GDE1: variants seen among roughly 807,000 people sequenced by gnomAD.
GDE1 encodes the protein glycerophosphodiester phosphodiesterase 1.
GDE1 carries 24 observed loss-of-function variants against 32.2 expected under a neutral mutation model. The ratio of observed to expected loss-of-function variants is 0.75; its 90% CI spans 0.54 to 1.05. GDE1 has a LOEUF of 1.05. Ranked by LOEUF, GDE1 falls within the 50% of genes least tolerant of loss-of-function variation. GDE1 has a pLI of 0.00. For missense variants in GDE1, 380 were observed against 415.0 expected (o/e 0.92, Z 0.73); for synonymous variants, 159 against 158.6 (o/e 1.00, Z -0.02).
rs1491088052 is a variant in GDE1 at position 19,520,739 on chromosome 16, AAG to A, written c.261+963_261+964del. ...GACTCTGTAAAGTAAAAAAAAAAAAAAGAAGAAGAAGGAAGGAAGAAGAGAGA... is the reference window on the plus strand; with the variant it reads ...GACTCTGTAAAGTAAAAAAAAAAAAAAAGAAGAAGGAAGGAAGAAGAGAGA... On this transcript the variant is annotated intron_variant, in intron 1 of 5. Coordinates refer to ENST00000353258, the MANE Select transcript of GDE1 (RefSeq NM_016641.4). Among the ~76,000 whole-genome samples the A allele has an allele frequency of 1.1e-3, 150 of 140,834 alleles. 3 individuals carry two copies. The highest frequency in any genetic ancestry group is 1.7e-3 in the Admixed American group (23 of 13,770). The allele number at this position is 140,834 out of a possible 152,430, so 92.4% of individuals were successfully genotyped here. A position where few individuals can be genotyped will look rare whatever the true frequency, so the allele number is the denominator to read the frequency against.
At chr16:19,514,912 C>T (rs1286980911) in intron 2 of GDE1, among the ~76,000 whole-genome samples, 1 of 151,858 alleles carries the variant, frequency 6.6e-6, no homozygotes, top group Non-Finnish European at 1.5e-5. Flanking sequence ...ACTAAAAATG[C>T]AAAAATTAGC....
chr16:19,517,970 C>T (rs181507872), intron 1 of GDE1, among the ~76,000 whole-genome samples: 1 of 151,884 alleles, frequency 6.6e-6, no homozygotes, highest in East Asian at 1.9e-4. Context: ...TCACTAAAAC[C>T]TCCGCCTCCT....
At chr16:19,504,638 A>AG (rs1479554492) in intron 5 of GDE1, 1 of 445,416 alleles carries the variant, frequency 2.2e-6, no homozygotes, top group African/African-American at 2.0e-5. Context: ...ATAGTGTCAC[A>AG]GGTTCATTTT....
rs373393963 is a variant in GDE1, at chr16:19,510,948, T to A, written c.438-4A>T. 9 of 1,458,248 alleles carry A rather than the reference T, an allele frequency of 6.2e-6. No homozygotes were observed. The African/African-American group carries it at 1.3e-4, about 20-fold the overall frequency. The allele number at this position is 1,458,248 out of a possible 1,614,324, so 90.3% of individuals were successfully genotyped here. A position where few individuals can be genotyped will look rare whatever the true frequency, so the allele number is the denominator to read the frequency against. ...CTTTTCATCAGGGAAATCATTCCTGTAAGAGAAGAGAAAATACGTTGTAGG... is the reference window on the plus strand; with the variant it reads ...CTTTTCATCAGGGAAATCATTCCTGAAAGAGAAGAGAAAATACGTTGTAGG... On this transcript the variant is annotated splice_region_variant and splice_polypyrimidine_tract_variant and intron_variant, in intron 2 of 5. Coordinates refer to ENST00000353258, the MANE Select transcript of GDE1 (RefSeq NM_016641.4).
At chr16:19,510,677 A>T (rs924568855) in intron 3 of GDE1, among the ~76,000 whole-genome samples, 162 bp downstream of exon 3, 4 of 152,226 alleles carry the variant, frequency 2.6e-5, no homozygotes, top group Non-Finnish European at 4.4e-5. Flanking sequence ...TGTTTCCTTA[A>T]ATGATATAGA....
chr16:19,503,765 G>A (rs965192228), intron 5 of GDE1, 148 bp from the exon 6 acceptor site: 1 of 638,476 alleles, frequency 1.6e-6, no homozygotes, highest in East Asian at 2.7e-5. Flanking sequence ...CAGAGGGACT[G>A]TTCCAAAACC....
intron 3 of GDE1, among the ~76,000 whole-genome samples, chr16:19,509,998 A>T (rs1029081827): frequency 4.1e-5 from 6 of 145,366 alleles, no homozygotes; most frequent in African/African-American, 8.0e-5. Flanking sequence ...GGGATTAATT[A>T]AAAAAAAAAA....
chr16:19,521,591 G>T, intron 1 of GDE1, 113 bp downstream of exon 1: 1 of 1,206,670 alleles, frequency 8.3e-7, no homozygotes, highest in Non-Finnish European at 1.2e-6. Flanking sequence ...TGTGCCTTGT[G>T]GACGAATGAG....
intron 2 of GDE1, among the ~76,000 whole-genome samples, chr16:19,514,509 AT>A (rs1464324100): frequency 3.3e-5 from 5 of 152,182 alleles, no homozygotes; most frequent in Admixed American, 3.3e-4. Flanking sequence ...CAAAGACTTA[AT>A]TTTCAGATTG....
chr16:19,516,892 C>A (rs1282430200), intron 2 of GDE1, 122 bp downstream of exon 2: 2 of 813,394 alleles, frequency 2.5e-6, no homozygotes, highest in South Asian at 1.7e-5. Flanking sequence ...CTTACAAGAC[C>A]TACGTACAGT....
chr16:19,521,984 C>T lies in GDE1; in HGVS notation c.-20G>A. ...CCACATGCCGGCGCCCGCACCGGCA[C>T]GGACGGGAGTCCCGGACCCGCCGGG... On this transcript the variant is annotated 5_prime_UTR_variant, in exon 1 of 6. The change creates a new upstream start codon in the 5' untranslated region. Transcript: ENST00000353258. 10 of 1,521,550 alleles carry T rather than the reference C, an allele frequency of 6.6e-6. No individual in the cohort carries two copies. Among genetic ancestry groups the T allele is most frequent in the Non-Finnish European group, 8.9e-6 (10 of 1,129,574 alleles). 94.3% of individuals were successfully genotyped at this position (1,521,550 alleles called of 1,614,324 possible). A position where few individuals can be genotyped will look rare whatever the true frequency, so the allele number is the denominator to read the frequency against.
In GDE1 at chr16:19,510,846, G is replaced by C; in HGVS notation, c.536C>G (p.Ala179Gly). 1 of 1,540,478 alleles carries C rather than the reference G, an allele frequency of 6.5e-7. No individual in the cohort carries two copies. Among genetic ancestry groups the C allele is most frequent in the Non-Finnish European group, 8.9e-7 (1 of 1,124,818 alleles). Residue 179 changes from alanine to glycine, a missense_variant, in exon 3 of 6, where the codon GCA becomes GGA. Physicochemically the swap from Ala to Gly is moderately conservative, Grantham distance 60. Transcript: ENST00000353258. Reference protein sequence around the residue: ...LTIFFDVKGHAHKATEALKKM... With the variant: ...LTIFFDVKGHGHKATEALKKM... The stretch of plus-strand genomic sequence containing the variant: ...CCACAATTTAAACTGTACCTTGTGT[G>C]CATGGCCTTTGACATCAAAGAAGAT...
At position 19,502,894 on chromosome 16, in the gene GDE1, C is replaced by G. The variant is rs971463332; in HGVS notation, c.*576G>C. ...AATCCCTCATTGGCTTCAAGACCTC[C>G]CTACCATTTTGGTTGCTGTACACTG... On this transcript the variant is annotated 3_prime_UTR_variant, in exon 6 of 6. Transcript: ENST00000353258. 6.6e-6 allele frequency: 1 copy of G among 152,294 alleles called. No homozygotes were observed. The highest frequency in any genetic ancestry group is 2.4e-5 in the African/African-American group (1 of 41,440). The allele number at this position is 152,294 out of a possible 1,614,324, so 9.4% of individuals were successfully genotyped here.
chr16:19,512,835 TTCTTGG>T (rs1969334719), intron 2 of GDE1, among the ~76,000 whole-genome samples: 1 of 152,124 alleles, frequency 6.6e-6, no homozygotes, highest in Non-Finnish European at 1.5e-5. Context: ...CACTGTAATG[TTCTTGG>T]TGCCTTCATG....
At chr16:19,512,028 TGG>T (rs1969324545) in intron 2 of GDE1, among the ~76,000 whole-genome samples, 1 of 152,172 alleles carries the variant, frequency 6.6e-6, no homozygotes, top group South Asian at 2.1e-4. Context: ...GCAATAAACA[TGG>T]GGGTGCAAGT....
chr16:19,511,057 T>G, intron 2 of GDE1, 113 bp from the exon 3 acceptor site: 1 of 558,276 alleles, frequency 1.8e-6, no homozygotes, highest in Non-Finnish European at 3.2e-6. Context: ...TTTCTCCAAC[T>G]TCCTTTTTTC....
At position 19,517,102 on chromosome 16, in the gene GDE1, C is replaced by G. The variant is rs1290554863; in HGVS notation, c.349G>C (p.Asp117His). The G allele has an allele frequency of 6.2e-7, 1 of 1,614,018 alleles. No individual in the cohort carries two copies. Among genetic ancestry groups the G allele is most frequent in the Non-Finnish European group, 8.5e-7 (1 of 1,179,852 alleles). The part of the protein sequence containing the change: ...IPVLMHDNTV[D>H]RTTDGTGRLC... ...CGCCCAGTCCCATCAGTCGTCCTATCTACTGTGTTATCGTGCATTAAGACA... is the reference window on the plus strand; with the variant it reads ...CGCCCAGTCCCATCAGTCGTCCTATGTACTGTGTTATCGTGCATTAAGACA... Residue 117 changes from aspartate to histidine, a missense_variant, in exon 2 of 6, where the codon GAT becomes CAT. Coordinates refer to ENST00000353258, the MANE Select transcript of GDE1 (RefSeq NM_016641.4).
chr16:19,516,031 C>T (rs17226664), intron 2 of GDE1, among the ~76,000 whole-genome samples: 3,468 of 152,204 alleles, frequency 0.023, 60 homozygotes, highest in Non-Finnish European at 0.037. Context: ...AGCTAAGTTA[C>T]AAGTAAGAAT....
At chr16:19,510,314 C>G (rs1597233730) in intron 3 of GDE1, among the ~76,000 whole-genome samples, 1 of 152,158 alleles carries the variant, frequency 6.6e-6, no homozygotes, top group South Asian at 2.1e-4. Flanking sequence ...GAATAAAAAA[C>G]TATACATAAG....
Sources: allele counts gnomAD v4.1 joint callset (sites outside exome capture counted in the v4.1 genomes callset), GRCh38; gene constraint gnomAD v4.1.1; transcripts MANE v1.5; gene names NCBI Gene and HGNC (gene_info 2026-07-23, HGNC 2026-07-21).